The following MLLT1 variants were observed in gnomAD, a reference collection of about 807,000 sequenced individuals.
The protein encoded by MLLT1 is protein ENL.
A neutral mutation model predicts 55.1 loss-of-function variants in MLLT1; 11 were observed. That is an observed-to-expected ratio of 0.20 (90% CI 0.13 to 0.33). The LOEUF (loss-of-function observed/expected upper bound fraction) is 0.33, where lower values mean the gene tolerates loss of function less well. MLLT1 is among the 10% of genes least tolerant of loss of function. The pLI is 1.00. For synonymous variants in MLLT1, 323 were observed against 320.1 expected (o/e 1.01, Z -0.10); for missense variants, 536 against 760.6 (o/e 0.70, Z 3.47).
chr19:6,278,575 A>G (rs1030519878), intron 1 of MLLT1, among the ~76,000 whole-genome samples: 1 of 152,172 alleles, frequency 6.6e-6, no homozygotes, highest in African/African-American at 2.4e-5. Flanking sequence ...CGTTAGATGA[A>G]GTGGGAGATC....
chr19:6,265,772 A>AGATTGAGG lies in MLLT1; in HGVS notation c.194-3470_194-3463dup, dbSNP rs562428889. On this transcript the variant is annotated intron_variant, in intron 2 of 11. Coordinates refer to ENST00000252674, the MANE Select transcript of MLLT1 (RefSeq NM_005934.4). ...GCAGCAGGCGGATCACGAGGTTAACAGATTGAGGCCATCCTGACCAACATG... is the reference window on the plus strand; with the variant it reads ...GCAGCAGGCGGATCACGAGGTTAACAGATTGAGGGATTGAGGCCATCCTGACCAACATG... Among the ~76,000 whole-genome samples, 29 of 152,256 alleles carry AGATTGAGG rather than the reference A, an allele frequency of 1.9e-4. No homozygotes were observed. The South Asian group carries it at 5.8e-3, about 31-fold the overall frequency.
chr19:6,216,783 G>C (rs1468554972), intron 7 of MLLT1: 2 of 467,094 alleles, frequency 4.3e-6, no homozygotes, highest in East Asian at 8.0e-5. Context: ...GGCAGTGGGC[G>C]CGCAGGGCCC....
At position 6,222,526 on chromosome 19, in the gene MLLT1, C is replaced by T. The variant is rs551627347; in HGVS notation, c.705G>A (p.Glu235=). The change falls in exon 6 of 12, where the codon GAG becomes GAA. Residue 235 remains glutamate, a synonymous_variant. Transcript: ENST00000252674. This position sits in a 1 kb window ranked among gnomAD's most constrained non-coding sequence, Gnocchi z 4.1. ...CCTTCTCCTCCTTGGGCAGCCGGCC[C>T]TCGCCCAGCTTCCGCGAGGTGTCCT... ...SSKDTSRKLG[E]GRLPKEEKAP... is the part of the protein sequence containing the mutation. 7 of 1,600,302 alleles carry T rather than the reference C, an allele frequency of 4.4e-6. No individual in the cohort carries two copies. In the East Asian group the frequency reaches 1.6e-4, roughly 36 times the overall value.
chr19:6,268,833 AAAAAC>A (rs1381778246), intron 2 of MLLT1, among the ~76,000 whole-genome samples: 1 of 152,232 alleles, frequency 6.6e-6, no homozygotes, highest in Non-Finnish European at 1.5e-5. Context: ...ACGACAAACA[AAAAAC>A]AAAACAAAAC....
chr19:6,212,160 G>A lies in MLLT1; in HGVS notation c.*882C>T, dbSNP rs2090780100. ...GGCGGCTGATGCGAGTCTGTCCGCG[G>A]AGACTGTTGGCGCTAGTCTGAGTAG... On this transcript the variant is annotated 3_prime_UTR_variant, in exon 12 of 12. Transcript: ENST00000252674. The A allele has an allele frequency of 9.4e-7, 1 of 1,066,566 alleles. No homozygotes were observed. The highest frequency in any genetic ancestry group is 1.6e-5 in the African/African-American group (1 of 61,240). The allele number at this position is 1,066,566 out of a possible 1,614,324, so 66.1% of individuals were successfully genotyped here.
At chr19:6,234,030 GGGGAT>G (rs1240918475) in intron 3 of MLLT1, among the ~76,000 whole-genome samples, 2 of 152,330 alleles carry the variant, frequency 1.3e-5, no homozygotes, top group Admixed American at 1.3e-4. Context: ...AGACTGGAGG[GGGGAT>G]GGTCCAGCAG....
intron 1 of MLLT1, among the ~76,000 whole-genome samples, chr19:6,277,981 A>G (rs1398537941): frequency 6.6e-6 from 1 of 152,152 alleles, no homozygotes; most frequent in Non-Finnish European, 1.5e-5. Flanking sequence ...CCCAAACCAG[A>G]TGGGAAGCCA....
Position 6,212,115 on chromosome 19 carries a change from G to A in MLLT1, c.*927C>T, listed in dbSNP as rs919967287. 2 of 1,066,378 alleles carry A rather than the reference G, an allele frequency of 1.9e-6. No individual in the cohort carries two copies. Among genetic ancestry groups the A allele is most frequent in the African/African-American group, 3.3e-5 (2 of 61,090 alleles). 66.1% of individuals were successfully genotyped at this position (1,066,378 alleles called of 1,614,324 possible). A position where few individuals can be genotyped will look rare whatever the true frequency, so the allele number is the denominator to read the frequency against. On this transcript the variant is annotated 3_prime_UTR_variant, in exon 12 of 12. Coordinates refer to ENST00000252674, the MANE Select transcript of MLLT1 (RefSeq NM_005934.4). ...ATGAAAGAGAGGAAGAGGAGCCTAT[G>A]GGAGGAGGCCGAGCCCCAGGGCGGC...
At position 6,238,156 on chromosome 19, in the gene MLLT1, C is replaced by T. The variant is rs529325405; in HGVS notation, c.277-7443G>A. 1.4e-4 allele frequency among the ~76,000 whole-genome samples: 21 copies of T among 152,254 alleles called. 1 individual carries two copies. The highest frequency in any genetic ancestry group is 4.3e-4 in the African/African-American group (18 of 41,546). ...CCTTACTTGAATCCTGACATGAACACGTTAATTTTAAAAGACGTATGTCCA... is the reference window on the plus strand; with the variant it reads ...CCTTACTTGAATCCTGACATGAACATGTTAATTTTAAAAGACGTATGTCCA... On this transcript the variant is annotated intron_variant, in intron 3 of 11. Coordinates refer to ENST00000252674, the MANE Select transcript of MLLT1 (RefSeq NM_005934.4).
chr19:6,224,503 A>G (rs77170391), intron 5 of MLLT1, among the ~76,000 whole-genome samples: 9,957 of 152,276 alleles, frequency 0.065, 579 homozygotes, highest in East Asian at 0.15. Flanking sequence ...GCTGGGCTGC[A>G]GGAGCTCAGC....
At chr19:6,261,075 G>T (rs1301529683) in intron 3 of MLLT1, among the ~76,000 whole-genome samples, 2 of 152,112 alleles carry the variant, frequency 1.3e-5, no homozygotes, top group Non-Finnish European at 2.9e-5. Flanking sequence ...CCTTCCATAC[G>T]CTCACCGGAT....
intron 1 of MLLT1, among the ~76,000 whole-genome samples, chr19:6,274,374 C>T (rs1051326533): frequency 2.0e-5 from 3 of 152,212 alleles, no homozygotes; most frequent in East Asian, 1.9e-4. Flanking sequence ...CCAAGGGTAA[C>T]CACCCCCCTT....
chr19:6,213,223 C>T (rs1600166279), intron 11 of MLLT1, 53 bp from the exon 12 acceptor site: 2 of 1,612,286 alleles, frequency 1.2e-6, no homozygotes, highest in East Asian at 2.2e-5. Context: ...GGTGGGGTTG[C>T]CCTGTTCCCT....
chr19:6,230,336 AC>A lies in MLLT1; in HGVS notation c.420+233del, dbSNP rs2090997791. On this transcript the variant is annotated intron_variant, in intron 4 of 11. Transcript: ENST00000252674. This position sits in a 1 kb window ranked among gnomAD's most constrained non-coding sequence, Gnocchi z 9.0. ...CACTTCCTGCAGGAAGGTGCTAATTACCCATGGCCACCCAGAAGCACAGGGT... is the reference window on the plus strand; with the variant it reads ...CACTTCCTGCAGGAAGGTGCTAATTACCATGGCCACCCAGAAGCACAGGGT... Among the ~76,000 whole-genome samples the A allele has an allele frequency of 6.6e-6, 1 of 152,002 alleles. No individual in the cohort carries two copies. Among genetic ancestry groups the A allele is most frequent in the African/African-American group, 2.4e-5 (1 of 41,376 alleles).
chr19:6,217,295 G>T (rs1278502960), intron 7 of MLLT1, among the ~76,000 whole-genome samples: 1 of 152,206 alleles, frequency 6.6e-6, no homozygotes, highest in African/African-American at 2.4e-5. Flanking sequence ...GGCCAAGGGG[G>T]AAGGAGGCTC....
Position 6,211,862 on chromosome 19 carries a change from G to A in MLLT1, c.*1180C>T, listed in dbSNP as rs181563471. The A allele has an allele frequency of 3.9e-5, 41 of 1,064,330 alleles. No homozygotes were observed. The East Asian group carries it at 1.9e-3, about 49-fold the overall frequency. 65.9% of individuals were successfully genotyped at this position (1,064,330 alleles called of 1,614,324 possible). Reference sequence around the variant, plus strand: ...TCAGGCATACCAGGAGTGGGGCTGCGGGCGCGGCACCAGCATGAATTGCGG... The same window carrying A: ...TCAGGCATACCAGGAGTGGGGCTGCAGGCGCGGCACCAGCATGAATTGCGG... On this transcript the variant is annotated 3_prime_UTR_variant, in exon 12 of 12. Coordinates refer to ENST00000252674, the MANE Select transcript of MLLT1 (RefSeq NM_005934.4). The surrounding 1 kb of genome is among the most constrained non-coding windows in gnomAD (Gnocchi z 4.6).
chr19:6,270,607 C>G lies in MLLT1; in HGVS notation c.165G>C (p.Leu55=), dbSNP rs773276134. The G allele has an allele frequency of 6.2e-7, 1 of 1,613,580 alleles. No homozygotes were observed. Among genetic ancestry groups the G allele is most frequent in the Non-Finnish European group, 8.5e-7 (1 of 1,179,728 alleles). Residue 55 remains leucine (L), a synonymous_variant, in exon 2 of 12, where the codon CTG becomes CTC. Coordinates refer to ENST00000252674, the MANE Select transcript of MLLT1 (RefSeq NM_005934.4). The surrounding 1 kb of genome is among the most constrained non-coding windows in gnomAD (Gnocchi z 7.1). ...GTCTGGGCTTGGGGAAGCTGTCGTG[C>G]AGCCAGAAGACCACCTTCTCCACGA... ...QHFVEKVVFW[L]HDSFPKPRRV...
chr19:6,232,167 C>T (rs573376103), intron 3 of MLLT1, among the ~76,000 whole-genome samples: 2 of 152,204 alleles, frequency 1.3e-5, no homozygotes, highest in Admixed American at 6.5e-5. Context: ...ATCCGGTAGG[C>T]GGAGGTTGCA....
intron 2 of MLLT1, among the ~76,000 whole-genome samples, chr19:6,264,268 T>C (rs1400662417): frequency 6.6e-6 from 1 of 151,452 alleles, no homozygotes; most frequent in Non-Finnish European, 1.5e-5. Context: ...CCAGGAAGTT[T>C]CAGGTTTCCC....
Sources: gnomAD v4.1 joint callset for allele counts (sites outside exome capture counted in the v4.1 genomes callset) on GRCh38, gnomAD v4.1.1 for gene constraint, Gnocchi (gnomAD v3.1) non-coding constraint, MANE v1.5 for transcripts, NCBI Gene and HGNC (gene_info 2026-07-23, HGNC 2026-07-21) for gene names.